ERCC6L2: variants seen among roughly 807,000 people sequenced by gnomAD.
ERCC6L2 encodes the protein ERCC excision repair 6 like 2, also known as DNA excision repair protein ERCC-6-like 2.
ERCC6L2 carries 77 observed loss-of-function variants against 132.0 expected under a neutral mutation model. The observed-to-expected ratio is 0.58, with a 90% CI of 0.49 to 0.71. The LOEUF is 0.71. Among genes scored for constraint, ERCC6L2 ranks in the 30% least tolerant of loss-of-function variants. ERCC6L2 has a pLI of 0.00. For missense variants in ERCC6L2, 1,542 were observed against 1,837.6 expected (o/e 0.84, Z 2.94); for synonymous variants, 583 against 632.4 (o/e 0.92, Z 1.17).
At chr9:95,916,093 A>T in intron 5 of ERCC6L2, 134 bp from the exon 6 acceptor site, 1 of 890,410 alleles carries the variant, frequency 1.1e-6, no homozygotes, top group Non-Finnish European at 1.7e-6. Flanking sequence ...GTCGTAAAGA[A>T]AGAACATTCT....
chr9:95,959,263 AAAAC>A, intron 13 of ERCC6L2, among the ~76,000 whole-genome samples: 1 of 150,896 alleles, frequency 6.6e-6, no homozygotes, highest in Admixed American at 6.6e-5. Context: ...AAACCTGAGA[AAAAC>A]AAGCAATGGG....
At chr9:95,893,548 T>C (rs568999264) in intron 2 of ERCC6L2, among the ~76,000 whole-genome samples, 9 of 152,324 alleles carry the variant, frequency 5.9e-5, no homozygotes, top group African/African-American at 2.2e-4. Flanking sequence ...TCTTAAGCAT[T>C]AGGTAGAATT....
chr9:95,923,468 G>A lies in ERCC6L2; in HGVS notation c.1533+89G>A, dbSNP rs1829967575. On this transcript the variant is annotated intron_variant, in intron 9 of 18. Transcript: ENST00000653738. ...ACAGAGACACCAACTAATCAGAACAGGTGCTCAGTCATTCAGAAGAGATGG... is the reference window on the plus strand; with the variant it reads ...ACAGAGACACCAACTAATCAGAACAAGTGCTCAGTCATTCAGAAGAGATGG... 2.8e-6 allele frequency: 4 copies of A among 1,445,960 alleles called. No individual in the cohort carries two copies. In the South Asian group the frequency reaches 5.1e-5, roughly 18 times the overall value. 89.6% of individuals were successfully genotyped at this position (1,445,960 alleles called of 1,614,324 possible).
chr9:96,012,320 A>C lies in ERCC6L2; in HGVS notation c.3770A>C (p.Lys1257Thr). Residue 1257 changes from lysine to threonine, a missense_variant, in exon 19 of 19, where the codon AAA becomes ACA. This residue lies in a region of ERCC6L2 where 442 missense variants were observed against 583.4 expected (regional missense o/e 0.76). Transcript: ENST00000653738. ...AATGCCACATCAGAAGAACGACAGA[A>C]AATGCTAAGAGACTTTTATGCTTCT... ...ITNATSEERQKMLRDFYASQY... is the reference protein window; with the variant it reads ...ITNATSEERQTMLRDFYASQY... 7.4e-7 allele frequency: 1 copy of C among 1,356,514 alleles called. No individual in the cohort carries two copies. Among genetic ancestry groups the C allele is most frequent in the Non-Finnish European group, 9.9e-7 (1 of 1,013,438 alleles). 84.0% of individuals were successfully genotyped at this position (1,356,514 alleles called of 1,614,324 possible). A position where few individuals can be genotyped will look rare whatever the true frequency, so the allele number is the denominator to read the frequency against.
intron 13 of ERCC6L2, among the ~76,000 whole-genome samples, chr9:95,964,877 T>C (rs1832081383): frequency 6.6e-6 from 1 of 152,204 alleles, no homozygotes; most frequent in South Asian, 2.1e-4. Flanking sequence ...TTTTTATAAA[T>C]TTTGTAATAA....
intron 19 of ERCC6L2, among the ~76,000 whole-genome samples, chr9:96,026,417 G>C (rs1654813918): frequency 6.6e-6 from 1 of 152,130 alleles, no homozygotes; most frequent in African/African-American, 2.4e-5. Context: ...GTGAGCCCCG[G>C]AGCGCCGCAG....
chr9:95,928,171 TC>T, intron 10 of ERCC6L2, 21 bp downstream of exon 10: 1 of 1,564,306 alleles, frequency 6.4e-7, no homozygotes, highest in Non-Finnish European at 8.8e-7. Flanking sequence ...CTAAAGTATA[TC>T]CTTGATTGGC....
chr9:95,877,326 G>A (rs1204849837), intron 1 of ERCC6L2, among the ~76,000 whole-genome samples: 2 of 149,208 alleles, frequency 1.3e-5, no homozygotes, highest in Admixed American at 1.3e-4. Context: ...TAAGTTGTGT[G>A]ATTCCCTTAA....
At chr9:95,948,798 A>G (rs911622369) in intron 12 of ERCC6L2, among the ~76,000 whole-genome samples, 3 of 151,412 alleles carry the variant, frequency 2.0e-5, no homozygotes, top group Non-Finnish European at 4.4e-5. Flanking sequence ...TTAGAAAAAA[A>G]AAAAAAAAAA....
chr9:96,010,884 T>C (rs1029369896), intron 18 of ERCC6L2, among the ~76,000 whole-genome samples: 4 of 152,262 alleles, frequency 2.6e-5, no homozygotes, highest in Admixed American at 6.5e-5. Context: ...TAACAGGCTC[T>C]ATAAATATTT....
Position 95,937,016 on chromosome 9 carries a change from C to G in ERCC6L2, c.1752-4438C>G, listed in dbSNP as rs189784362. Among the ~76,000 whole-genome samples, 297 of 152,254 alleles carry G rather than the reference C, an allele frequency of 2.0e-3. 1 individual carries two copies. The highest frequency in any genetic ancestry group is 0.014 in the Middle Eastern group (4 of 294). On this transcript the variant is annotated intron_variant, in intron 11 of 18. Coordinates refer to ENST00000653738, the MANE Select transcript of ERCC6L2 (RefSeq NM_020207.7). ...ATGGATACACCACAGTTTGTTTATA[C>G]ATTCATCTGTTGAAGGGCATCTGGG...
intron 16 of ERCC6L2, among the ~76,000 whole-genome samples, chr9:95,973,973 T>C (rs542230717): frequency 2.6e-5 from 4 of 152,278 alleles, no homozygotes; most frequent in South Asian, 2.1e-4. Context: ...CTGTCTTCTA[T>C]ATTACCTGCA....
At chr9:95,929,508 CCACT>C (rs1830245056) in intron 11 of ERCC6L2, among the ~76,000 whole-genome samples, 1 of 152,054 alleles carries the variant, frequency 6.6e-6, no homozygotes, top group Non-Finnish European at 1.5e-5. Flanking sequence ...AGATTCACTC[CCACT>C]GTCTTTCAGA....
Position 96,004,506 on chromosome 9 carries a change from T to C in ERCC6L2, c.3493-14T>C, listed in dbSNP as rs1161348009. On this transcript the variant is annotated splice_polypyrimidine_tract_variant and intron_variant, in intron 17 of 18. Coordinates refer to ENST00000653738, the MANE Select transcript of ERCC6L2 (RefSeq NM_020207.7). ...TTTTTCAGACATAGCTTTTGTTTCC[T>C]TTCTTTTTTTCAGACATATAAAGAA... 4.7e-6 allele frequency: 6 copies of C among 1,289,134 alleles called. No homozygotes were observed. Among genetic ancestry groups the C allele is most frequent in the Admixed American group, 2.5e-5 (1 of 40,514 alleles). The allele number at this position is 1,289,134 out of a possible 1,614,324, so 79.9% of individuals were successfully genotyped here. A position where few individuals can be genotyped will look rare whatever the true frequency, so the allele number is the denominator to read the frequency against.
At chr9:96,002,978 C>G (rs1833741479) in intron 17 of ERCC6L2, among the ~76,000 whole-genome samples, 1 of 152,022 alleles carries the variant, frequency 6.6e-6, no homozygotes, top group Non-Finnish European at 1.5e-5. Context: ...CTTAACTTCC[C>G]TATTTTTTTT....
At chr9:96,023,523 C>T (rs145202323) in intron 19 of ERCC6L2, among the ~76,000 whole-genome samples, 55 of 152,294 alleles carry the variant, frequency 3.6e-4, no homozygotes, top group Middle Eastern at 3.4e-3. Flanking sequence ...TCTGGCCACA[C>T]GTATGTAGAC....
chr9:95,971,276 G>A (rs1832400038), intron 15 of ERCC6L2, among the ~76,000 whole-genome samples: 1 of 152,058 alleles, frequency 6.6e-6, no homozygotes, highest in African/African-American at 2.4e-5. Flanking sequence ...AGAAATATAT[G>A]AATCTCAAAT....
intron 17 of ERCC6L2, among the ~76,000 whole-genome samples, chr9:95,992,269 CTT>C (rs1185414530): frequency 6.6e-6 from 1 of 152,068 alleles, no homozygotes; most frequent in Non-Finnish European, 1.5e-5. Context: ...GTGATAAAGA[CTT>C]TAAATTTTCA....
At chr9:95,960,741 T>C (rs1396569607) in intron 13 of ERCC6L2, among the ~76,000 whole-genome samples, 1 of 152,146 alleles carries the variant, frequency 6.6e-6, no homozygotes, top group African/African-American at 2.4e-5. Context: ...CAAATGATCC[T>C]CCCACCTCAG....
Sources: allele counts gnomAD v4.1 joint callset (sites outside exome capture counted in the v4.1 genomes callset), GRCh38; gene constraint gnomAD v4.1.1; regional missense constraint gnomAD v4.1.1; transcripts MANE v1.5; gene names NCBI Gene and HGNC (gene_info 2026-07-23, HGNC 2026-07-21).